CRMP1: variants seen among roughly 807,000 people sequenced by gnomAD.
The protein encoded by CRMP1 is dihydropyrimidinase-related protein 1.
CRMP1 carries 19 observed loss-of-function variants against 68.3 expected under a neutral mutation model. The ratio of observed to expected loss-of-function variants is 0.28; its 90% CI spans 0.19 to 0.41. The LOEUF (loss-of-function observed/expected upper bound fraction) is 0.41, where lower values mean the gene tolerates loss of function less well. Ranked by LOEUF, CRMP1 falls within the 10% of genes least tolerant of loss-of-function variation. CRMP1 has a pLI of 1.00. For missense variants in CRMP1, 791 were observed against 967.4 expected, an observed-to-expected ratio of 0.82 and a Z score of 2.42; for synonymous variants, 439 against 399.6, an observed-to-expected ratio of 1.10 and a Z score of -1.18.
rs1393948756 is a variant in CRMP1, at chr4:5,888,415, ACGCG to A, written c.381+4170_381+4173del. ...GGAGGCTCGGCGCCCGTGGATGCCCACGCGCGGCTGCCCCGGCTGCTCGGCCCGC... is the reference window on the plus strand; with the variant it reads ...GGAGGCTCGGCGCCCGTGGATGCCCACGGCTGCCCCGGCTGCTCGGCCCGC... On this transcript the variant is annotated intron_variant, in intron 1 of 13. Transcript: ENST00000324989. The surrounding 1 kb of genome is among the most constrained non-coding windows in gnomAD (Gnocchi z 6.4). 3 of 1,216,120 alleles carry A rather than the reference ACGCG, an allele frequency of 2.5e-6. No homozygotes were observed. Among genetic ancestry groups the A allele is most frequent in the Non-Finnish European group, 3.1e-6 (3 of 977,922 alleles). The allele number at this position is 1,216,120 out of a possible 1,614,324, so 75.3% of individuals were successfully genotyped here.
In CRMP1 at chr4:5,865,832, G is replaced by C. The variant is rs953588469; in HGVS notation, c.470+836C>G. Among the ~76,000 whole-genome samples the C allele has an allele frequency of 3.9e-5, 6 of 152,172 alleles. No homozygotes were observed. Among genetic ancestry groups the C allele is most frequent in the Non-Finnish European group, 7.4e-5 (5 of 68,018 alleles). On this transcript the variant is annotated intron_variant, in intron 2 of 13. Transcript: ENST00000324989. This position sits in a 1 kb window ranked among gnomAD's most constrained non-coding sequence, Gnocchi z 4.1. ...TCCAACAAAACTGGTGACCTTAGAAGAAGAGACCCCAGGAGTGTGCACACA... is the reference window on the plus strand; with the variant it reads ...TCCAACAAAACTGGTGACCTTAGAACAAGAGACCCCAGGAGTGTGCACACA...
intron 1 of CRMP1, among the ~76,000 whole-genome samples, chr4:5,885,696 C>T (rs998753850): frequency 6.6e-6 from 1 of 152,156 alleles, no homozygotes; most frequent in Admixed American, 6.5e-5. Flanking sequence ...TCTTCCGCCC[C>T]GCCGTATGAT....
At position 5,821,529 on chromosome 4, in the gene CRMP1, C is replaced by T. The variant is rs1182875649; in HGVS notation, c.*231G>A. The T allele has an allele frequency of 1.8e-6, 1 of 543,024 alleles. No individual in the cohort carries two copies. The highest frequency in any genetic ancestry group is 1.9e-5 in the African/African-American group (1 of 53,282). The allele number at this position is 543,024 out of a possible 1,614,324, so 33.6% of individuals were successfully genotyped here. ...CACTAGGAAGGGGGAATGAAAACAC[C>T]ATGCTCCGAGGTGGATTCAGCATGA... On this transcript the variant is annotated 3_prime_UTR_variant, in exon 14 of 14. Transcript: ENST00000324989. The surrounding 1 kb of genome is among the most constrained non-coding windows in gnomAD (Gnocchi z 4.4).
Position 5,825,664 on chromosome 4 carries a change from A to G in CRMP1, c.1804-5T>C, listed in dbSNP as rs1719439840. ...AACCCCTTGCAATCCAAAAACCTAAACAGAGGAAGGGAGAGTGTGATTGAT... is the reference window on the plus strand; with the variant it reads ...AACCCCTTGCAATCCAAAAACCTAAGCAGAGGAAGGGAGAGTGTGATTGAT... On this transcript the variant is annotated splice_polypyrimidine_tract_variant and splice_region_variant and intron_variant, in intron 12 of 13. Transcript: ENST00000324989. The surrounding 1 kb of genome is among the most constrained non-coding windows in gnomAD (Gnocchi z 4.4). 1.2e-6 allele frequency: 2 copies of G among 1,612,210 alleles called. No individual in the cohort carries two copies. The highest frequency in any genetic ancestry group is 1.7e-5 in the Admixed American group (1 of 59,732).
rs1258049368 is a variant in CRMP1, at chr4:5,861,650, A to C, written c.471-440T>G. 6.6e-6 allele frequency among the ~76,000 whole-genome samples: 1 copy of C among 152,158 alleles called. No homozygotes were observed. Among genetic ancestry groups the C allele is most frequent in the African/African-American group, 2.4e-5 (1 of 41,442 alleles). Reference sequence around the variant, plus strand: ...GAGGGAAAAGAGCCTACGAAATGAGAAACGAAGCCCCCGGGGATCTCCATG... The same window carrying C: ...GAGGGAAAAGAGCCTACGAAATGAGCAACGAAGCCCCCGGGGATCTCCATG... On this transcript the variant is annotated intron_variant, in intron 2 of 13. Transcript: ENST00000324989. This position sits in a 1 kb window ranked among gnomAD's most constrained non-coding sequence, Gnocchi z 6.0.
intron 13 of CRMP1, among the ~76,000 whole-genome samples, chr4:5,824,040 CTG>C (rs1366718207): frequency 6.6e-6 from 1 of 152,192 alleles, no homozygotes; most frequent in African/African-American, 2.4e-5. Flanking sequence ...AAGAGTGAAA[CTG>C]AGAGAACAAG....
chr4:5,841,210 G>C lies in CRMP1; in HGVS notation c.1153+98C>G. ...CCCCGCTCCACCCCTCCCTCCTCCG[G>C]CTGCCTGTCTGAGTTCGGGAGGGAG... is the stretch of plus-strand genomic sequence containing the variant. On this transcript the variant is annotated intron_variant, in intron 8 of 13. Transcript: ENST00000324989. The surrounding 1 kb of genome is among the most constrained non-coding windows in gnomAD (Gnocchi z 6.9). The C allele has an allele frequency of 3.8e-6, 6 of 1,588,696 alleles. No homozygotes were observed. The highest frequency in any genetic ancestry group is 1.7e-5 in the Admixed American group (1 of 59,668).
Position 5,855,464 on chromosome 4 carries a change from A to G in CRMP1, c.820+679T>C, listed in dbSNP as rs1712986223. Among the ~76,000 whole-genome samples, 1 of 152,130 alleles carries G rather than the reference A, an allele frequency of 6.6e-6. No homozygotes were observed. Among genetic ancestry groups the G allele is most frequent in the African/African-American group, 2.4e-5 (1 of 41,412 alleles). ...TTTGCTTCCTTTGTGTCTTCTGATCAGTTCCCCCCAGTTCGATGTAACACA... is the reference window on the plus strand; with the variant it reads ...TTTGCTTCCTTTGTGTCTTCTGATCGGTTCCCCCCAGTTCGATGTAACACA... On this transcript the variant is annotated intron_variant, in intron 4 of 13. Coordinates refer to ENST00000324989, the MANE Select transcript of CRMP1 (RefSeq NM_001014809.3). This position sits in a 1 kb window ranked among gnomAD's most constrained non-coding sequence, Gnocchi z 4.9.
At chr4:5,869,498 C>T (rs964503721) in intron 1 of CRMP1, among the ~76,000 whole-genome samples, 4 of 151,258 alleles carry the variant, frequency 2.6e-5, no homozygotes, top group East Asian at 3.9e-4. Flanking sequence ...CTGGCTAACA[C>T]GGTGAAACGC....
Position 5,843,102 on chromosome 4 carries a change from T to C in CRMP1, c.1023A>G (p.Arg341=), listed in dbSNP as rs1309016823. 1 of 1,613,988 alleles carries C rather than the reference T, an allele frequency of 6.2e-7. No individual in the cohort carries two copies. Among genetic ancestry groups the C allele is most frequent in the African/African-American group, 1.3e-5 (1 of 74,906 alleles). The change falls in exon 7 of 14, where the codon AGA becomes AGG. Residue 341 remains arginine, a synonymous_variant. Transcript: ENST00000324989. The surrounding 1 kb of genome is among the most constrained non-coding windows in gnomAD (Gnocchi z 4.1). ...ITGPEGHALS[R]PEELEAEAVF... ...GTTGAGGAGTCCTTACCTCTTCAGG[T>C]CTGCTCAGGGCATGGCCCTCGGGAC...
At chr4:5,864,866 C>CT (rs1273329192) in intron 2 of CRMP1, among the ~76,000 whole-genome samples, 2 of 143,914 alleles carry the variant, frequency 1.4e-5, no homozygotes, top group Non-Finnish European at 3.0e-5. Context: ...TTCATTATGG[C>CT]TGGAAGAGCA....
chr4:5,864,162 C>T (rs906556565), intron 2 of CRMP1, among the ~76,000 whole-genome samples: 2 of 152,172 alleles, frequency 1.3e-5, no homozygotes, highest in African/African-American at 4.8e-5. Flanking sequence ...CTTGCTCCTT[C>T]TGTATACTCC....
intron 1 of CRMP1, among the ~76,000 whole-genome samples, chr4:5,880,477 G>A (rs946947452): frequency 6.6e-6 from 1 of 152,118 alleles, no homozygotes; most frequent in Admixed American, 6.5e-5. Context: ...TTCTGCATCA[G>A]ATCCAATGAG....
chr4:5,861,039 C>T lies in CRMP1; in HGVS notation c.642G>A (p.Gly214=), dbSNP rs767203546. The T allele has an allele frequency of 1.2e-6, 2 of 1,613,966 alleles. No individual in the cohort carries two copies. Among genetic ancestry groups the T allele is most frequent in the East Asian group, 2.2e-5 (1 of 44,876 alleles). ...AGTGTCACTCACTGATCATCGTGGTCCCGCCCACCAGTGCCGCCCTGGTCC... is the reference window on the plus strand; with the variant it reads ...AGTGTCACTCACTGATCATCGTGGTTCCGCCCACCAGTGCCGCCCTGGTCC... ...FQGTRAALVG[G]TTMIIDHVVP... is the part of the protein sequence containing the mutation. The change falls in exon 3 of 14, where the codon GGG becomes GGA. Residue 214 remains glycine (G), a synonymous_variant. Coordinates refer to ENST00000324989, the MANE Select transcript of CRMP1 (RefSeq NM_001014809.3). The surrounding 1 kb of genome is among the most constrained non-coding windows in gnomAD (Gnocchi z 6.0).
At chr4:5,862,869 G>C (rs1449866551) in intron 2 of CRMP1, among the ~76,000 whole-genome samples, 2 of 152,258 alleles carry the variant, frequency 1.3e-5, no homozygotes, top group East Asian at 3.9e-4. Flanking sequence ...CAGTGGTACA[G>C]GTCATGGCTC....
chr4:5,856,985 G>A (rs111064823), intron 3 of CRMP1, among the ~76,000 whole-genome samples: 1,569 of 94,498 alleles, frequency 0.017, 372 homozygotes, highest in Middle Eastern at 0.047. Context: ...ACCATCCACT[G>A]TTATCACCAC....
rs553948497 is a variant in CRMP1, at chr4:5,833,609, A to T, written c.1623+2306T>A. 2.6e-5 allele frequency among the ~76,000 whole-genome samples: 4 copies of T among 152,244 alleles called. No homozygotes were observed. In the East Asian group the frequency reaches 7.8e-4, roughly 30 times the overall value. ...ATCAATAACAATATACCTAACTTAG[A>T]AGATCGTGAGGATTAAATGAGATGA... On this transcript the variant is annotated intron_variant, in intron 11 of 13. Coordinates refer to ENST00000324989, the MANE Select transcript of CRMP1 (RefSeq NM_001014809.3).
chr4:5,868,248 C>A (rs1007291414), intron 1 of CRMP1, among the ~76,000 whole-genome samples: 15 of 125,428 alleles, frequency 1.2e-4, no homozygotes, highest in Non-Finnish European at 2.1e-4. Flanking sequence ...GCACATTCTT[C>A]ATGACTATAT....
chr4:5,834,090 T>C lies in CRMP1; in HGVS notation c.1623+1825A>G, dbSNP rs1720563484. On this transcript the variant is annotated intron_variant, in intron 11 of 13. Coordinates refer to ENST00000324989, the MANE Select transcript of CRMP1 (RefSeq NM_001014809.3). The surrounding 1 kb of genome is among the most constrained non-coding windows in gnomAD (Gnocchi z 4.3). Reference sequence around the variant, plus strand: ...GTAAGACAATCCCAGCTCAGTCTACTTCCTTCTGGGTCCTTGTCCGCCGAC... The same window carrying C: ...GTAAGACAATCCCAGCTCAGTCTACCTCCTTCTGGGTCCTTGTCCGCCGAC... Among the ~76,000 whole-genome samples, 1 of 152,160 alleles carries C rather than the reference T, an allele frequency of 6.6e-6. No homozygotes were observed. Among genetic ancestry groups the C allele is most frequent in the Non-Finnish European group, 1.5e-5 (1 of 68,022 alleles).
Sources: gnomAD v4.1 joint callset for allele counts (sites outside exome capture counted in the v4.1 genomes callset) on GRCh38, gnomAD v4.1.1 for gene constraint, Gnocchi (gnomAD v3.1) non-coding constraint, MANE v1.5 for transcripts, NCBI Gene and HGNC (gene_info 2026-07-23, HGNC 2026-07-21) for gene names.